VWA3B: variants seen among roughly 807,000 people sequenced by gnomAD.
VWA3B encodes the protein von Willebrand factor A domain containing 3B, also known as von Willebrand factor A domain-containing protein 3B.
A neutral mutation model predicts 158.3 loss-of-function variants in VWA3B; 138 were observed. The observed-to-expected ratio is 0.87, with a 90% CI of 0.76 to 1.00. The LOEUF (loss-of-function observed/expected upper bound fraction) is 1.00, where lower values mean the gene tolerates loss of function less well. Among genes scored for constraint, VWA3B ranks in the 50% least tolerant of loss-of-function variants. The pLI is 0.00. For missense variants in VWA3B, 1,555 were observed against 1,565.1 expected, an observed-to-expected ratio of 0.99 and a Z score of 0.11; for synonymous variants, 596 against 587.3, an observed-to-expected ratio of 1.01 and a Z score of -0.21.
At chr2:98,275,407 A>C (rs532372846) in intron 22 of VWA3B, among the ~76,000 whole-genome samples, 4 of 152,264 alleles carry the variant, frequency 2.6e-5, no homozygotes, top group Non-Finnish European at 5.9e-5. Flanking sequence ...AGGTAATTTC[A>C]GGTGCTGGGA....
At chr2:98,251,111 A>G (rs1686775600) in intron 20 of VWA3B, among the ~76,000 whole-genome samples, 1 of 152,074 alleles carries the variant, frequency 6.6e-6, no homozygotes, top group Non-Finnish European at 1.5e-5. Flanking sequence ...AAAATTGCTC[A>G]TAAGGAATAT....
intron 19 of VWA3B, among the ~76,000 whole-genome samples, chr2:98,243,999 C>T (rs891344837): frequency 6.6e-6 from 1 of 152,154 alleles, no homozygotes; most frequent in South Asian, 2.1e-4. Flanking sequence ...AATAGATAAT[C>T]ACCAGTTTCA....
chr2:98,303,956 CCTT>C (rs1426922497), intron 26 of VWA3B, among the ~76,000 whole-genome samples, 154 bp downstream of exon 26: 1 of 152,168 alleles, frequency 6.6e-6, no homozygotes, highest in Non-Finnish European at 1.5e-5. Flanking sequence ...GTTTATTATT[CCTT>C]CGACGTCACA....
chr2:98,140,942 T>G (rs1329761300), intron 7 of VWA3B, among the ~76,000 whole-genome samples: 1 of 152,190 alleles, frequency 6.6e-6, no homozygotes, highest in Non-Finnish European at 1.5e-5. Context: ...CACAGTCTTG[T>G]GGCATGTGCC....
chr2:98,290,560 C>A lies in VWA3B; in HGVS notation c.3095C>A (p.Pro1032Gln). Reference sequence around the variant, plus strand: ...ACAAAGAAAACCAAATCAAAAAGACCAGATCCCCTCAAAGGACAGAAGGTT... The same window carrying A: ...ACAAAGAAAACCAAATCAAAAAGACAAGATCCCCTCAAAGGACAGAAGGTT... Reference protein sequence around the residue: ...NPTKKTKSKRPDPLKGQKVIA... With the variant: ...NPTKKTKSKRQDPLKGQKVIA... The change falls in exon 23 of 28, where the codon CCA becomes CAA. Residue 1032 changes from proline to glutamine, a missense_variant. Coordinates refer to ENST00000477737, the MANE Select transcript of VWA3B (RefSeq NM_144992.5). 6.3e-7 allele frequency: 1 copy of A among 1,589,438 alleles called. No individual in the cohort carries two copies. The highest frequency in any genetic ancestry group is 1.4e-5 in the African/African-American group (1 of 72,916).
Position 98,312,394 on chromosome 2 carries a change from G to T in VWA3B, c.*45G>T, listed in dbSNP as rs1293939988. 3.2e-6 allele frequency: 5 copies of T among 1,573,242 alleles called. No individual in the cohort carries two copies. Among genetic ancestry groups the T allele is most frequent in the Non-Finnish European group, 3.5e-6 (4 of 1,158,742 alleles). ...TGTTTAAGAGACCAGCGTCCTTCCA[G>T]GCTGTTCAGACCTCAGCGTTGACAC... On this transcript the variant is annotated 3_prime_UTR_variant, in exon 28 of 28. Coordinates refer to ENST00000477737, the MANE Select transcript of VWA3B (RefSeq NM_144992.5).
chr2:98,142,972 C>T (rs1352573622), intron 7 of VWA3B, among the ~76,000 whole-genome samples: 2 of 151,968 alleles, frequency 1.3e-5, no homozygotes, highest in African/African-American at 2.4e-5. Context: ...TCAATTATCA[C>T]GTTAACAATT....
At chr2:98,167,812 T>C (rs2309389) in intron 8 of VWA3B, among the ~76,000 whole-genome samples, 93,444 of 152,024 alleles carry the variant, frequency 0.61, 29,206 homozygotes, top group East Asian at 0.82. Context: ...AGTGCCTGTT[T>C]TCATCAGCCT....
In VWA3B at chr2:98,250,359, G is replaced by A. The variant is rs748537475; in HGVS notation, c.2715G>A (p.Met905Ile). The A allele has an allele frequency of 5.6e-6, 9 of 1,613,352 alleles. No homozygotes were observed. The African/African-American group carries it at 1.1e-4, about 19-fold the overall frequency. The change falls in exon 20 of 28, where the codon ATG becomes ATA. Residue 905 changes from methionine (M) to isoleucine (I), a missense_variant. Met to Ile is a conservative substitution (Grantham distance 10). Transcript: ENST00000477737. ...LAHVCNDTNKMTLINPQGAKL... is the reference protein window; with the variant it reads ...LAHVCNDTNKITLINPQGAKL... Reference sequence around the variant, plus strand: ...ATGTGTGCAACGACACAAATAAGATGACATTAATTAACCCCCAAGGAGCCA... The same window carrying A: ...ATGTGTGCAACGACACAAATAAGATAACATTAATTAACCCCCAAGGAGCCA...
intron 24 of VWA3B, among the ~76,000 whole-genome samples, chr2:98,298,260 C>T (rs1689939853): frequency 6.6e-6 from 1 of 152,176 alleles, no homozygotes; most frequent in African/African-American, 2.4e-5. Context: ...CTCAGGGCTG[C>T]ACAGACTTGT....
intron 8 of VWA3B, among the ~76,000 whole-genome samples, chr2:98,163,593 T>G (rs1198222801): frequency 1.3e-5 from 2 of 152,110 alleles, no homozygotes; most frequent in African/African-American, 4.8e-5. Context: ...GACAAACTCT[T>G]GTATACTAAG....
At chr2:98,095,541 C>G (rs1353793708) in intron 2 of VWA3B, among the ~76,000 whole-genome samples, 1 of 152,118 alleles carries the variant, frequency 6.6e-6, no homozygotes, top group East Asian at 1.9e-4. Flanking sequence ...AGGATTTTCT[C>G]TGTATAAGAT....
At chr2:98,092,061 G>A (rs1682331168) in intron 1 of VWA3B, among the ~76,000 whole-genome samples, 1 of 152,204 alleles carries the variant, frequency 6.6e-6, no homozygotes, top group Non-Finnish European at 1.5e-5. Context: ...GGGCCAGAAT[G>A]CTTAAGTCCA....
At chr2:98,120,347 A>G (rs903488633) in intron 4 of VWA3B, among the ~76,000 whole-genome samples, 1 of 152,242 alleles carries the variant, frequency 6.6e-6, no homozygotes, top group Non-Finnish European at 1.5e-5. Context: ...AAACATCTGG[A>G]TAACGGTTGG....
intron 6 of VWA3B, among the ~76,000 whole-genome samples, chr2:98,128,692 T>C (rs1675578657): frequency 6.6e-6 from 1 of 152,206 alleles, no homozygotes; most frequent in African/African-American, 2.4e-5. Context: ...AATTACTCAC[T>C]GGGGCACACT....
chr2:98,260,851 A>G (rs888851057), intron 21 of VWA3B, among the ~76,000 whole-genome samples: 7 of 151,304 alleles, frequency 4.6e-5, no homozygotes, highest in South Asian at 2.1e-4. Flanking sequence ...AGCCACTCCA[A>G]CTCTCTTTGG....
At chr2:98,175,165 T>A (rs1679903987) in intron 8 of VWA3B, among the ~76,000 whole-genome samples, 1 of 151,902 alleles carries the variant, frequency 6.6e-6, no homozygotes, top group African/African-American at 2.4e-5. Flanking sequence ...AAAAAAGCAA[T>A]CCATAGGAAC....
At chr2:98,290,915 A>G (rs1482716044) in intron 23 of VWA3B, 1 of 309,150 alleles carries the variant, frequency 3.2e-6, no homozygotes, top group Non-Finnish European at 6.0e-6. Context: ...TTTTGAAAGT[A>G]CTGGTCTAAT....
At chr2:98,162,162 G>A (rs1370516629) in intron 7 of VWA3B, among the ~76,000 whole-genome samples, 4 of 24,824 alleles carry the variant, frequency 1.6e-4, no homozygotes, top group East Asian at 1.2e-3. Flanking sequence ...ATTTCCCCCC[G>A]GCCCACCCGC....
Sources: gnomAD v4.1 joint callset for allele counts (sites outside exome capture counted in the v4.1 genomes callset) on GRCh38, gnomAD v4.1.1 for gene constraint, MANE v1.5 for transcripts, NCBI Gene and HGNC (gene_info 2026-07-23, HGNC 2026-07-21) for gene names.